Variants in CDH12 observed in about 807,000 individuals in gnomAD.
CDH12 encodes the protein cadherin-12.
A neutral mutation model predicts 74.1 loss-of-function variants in CDH12; 41 were observed. That is an observed-to-expected ratio of 0.55 (90% CI 0.43 to 0.72). The LOEUF (loss-of-function observed/expected upper bound fraction) is 0.72. Ranked by LOEUF, CDH12 falls within the 30% of genes least tolerant of loss-of-function variation. The pLI is 0.00. For synonymous variants in CDH12, 399 were observed against 355.0 expected (o/e 1.12, Z -1.39); for missense variants, 945 against 977.2 (o/e 0.97, Z 0.44).
chr5:22,039,425 A>C (rs534992107), intron 5 of CDH12, among the ~76,000 whole-genome samples: 1 of 152,214 alleles, frequency 6.6e-6, no homozygotes, highest in Admixed American at 6.5e-5. Flanking sequence ...AACTTGCACC[A>C]CAAGACCCAG....
At chr5:21,779,389 TG>T (rs1158870563) in intron 11 of CDH12, 1 of 152,120 alleles carries the variant, frequency 6.6e-6, no homozygotes, top group African/African-American at 2.4e-5. Flanking sequence ...TAATGACATT[TG>T]TTAAAGTAAC....
intron 3 of CDH12, among the ~76,000 whole-genome samples, chr5:22,286,599 A>G (rs961682373): frequency 6.6e-6 from 1 of 152,180 alleles, no homozygotes; most frequent in Non-Finnish European, 1.5e-5. Context: ...GATGAATATC[A>G]CAGAAATCCT....
chr5:22,041,176 A>T (rs531115670), intron 5 of CDH12, among the ~76,000 whole-genome samples: 3 of 152,224 alleles, frequency 2.0e-5, no homozygotes, highest in African/African-American at 7.2e-5. Flanking sequence ...ACAAAACACA[A>T]ATATATAGCA....
At chr5:22,501,321 A>C (rs1747323262) in intron 2 of CDH12, among the ~76,000 whole-genome samples, 1 of 152,168 alleles carries the variant, frequency 6.6e-6, no homozygotes, top group Non-Finnish European at 1.5e-5. Context: ...CATAAAGGAT[A>C]ATTCATGGAA....
chr5:22,287,326 T>A (rs1459187727), intron 3 of CDH12, among the ~76,000 whole-genome samples: 2 of 152,168 alleles, frequency 1.3e-5, no homozygotes, highest in African/African-American at 4.8e-5. Context: ...ACTATATTTG[T>A]TAAGGTAGCT....
intron 5 of CDH12, among the ~76,000 whole-genome samples, chr5:22,059,882 G>A (rs1741064380): frequency 6.6e-6 from 1 of 152,050 alleles, no homozygotes; most frequent in East Asian, 1.9e-4. Flanking sequence ...CAATTTTAGA[G>A]AGGTTTATGC....
intron 4 of CDH12, among the ~76,000 whole-genome samples, chr5:22,166,007 T>C (rs1254146051): frequency 6.6e-6 from 1 of 152,198 alleles, no homozygotes; most frequent in Non-Finnish European, 1.5e-5. Flanking sequence ...GCTCTACTTA[T>C]GGAGAAGCCA....
chr5:22,707,577 G>A (rs1476315322), intron 1 of CDH12, among the ~76,000 whole-genome samples: 1 of 152,062 alleles, frequency 6.6e-6, no homozygotes, highest in Non-Finnish European at 1.5e-5. Context: ...AACAACAAAA[G>A]CATCACATTG....
chr5:22,465,604 C>A (rs953643424), intron 2 of CDH12, among the ~76,000 whole-genome samples: 1 of 152,288 alleles, frequency 6.6e-6, no homozygotes, highest in African/African-American at 2.4e-5. Context: ...CACGATCATG[C>A]CACCACACTC....
chr5:22,349,880 G>A (rs75570217), intron 3 of CDH12, among the ~76,000 whole-genome samples: 3,340 of 152,170 alleles, frequency 0.022, 85 homozygotes, highest in East Asian at 0.11. Context: ...GACTACAGGC[G>A]CAGCTAATCT....
intron 5 of CDH12, among the ~76,000 whole-genome samples, chr5:22,008,052 T>A (rs2150149982): frequency 6.6e-6 from 1 of 152,248 alleles, no homozygotes; most frequent in African/African-American, 2.4e-5. Flanking sequence ...GCAAGCCCCA[T>A]GAAGGTGGTA....
chr5:22,075,712 T>C (rs1453971494), intron 5 of CDH12, among the ~76,000 whole-genome samples: 2 of 152,052 alleles, frequency 1.3e-5, no homozygotes, highest in East Asian at 3.9e-4. Context: ...AGTTAAGTTT[T>C]GGGGGAGTCA....
chr5:22,131,833 A>G (rs907848925), intron 4 of CDH12, among the ~76,000 whole-genome samples: 12 of 152,100 alleles, frequency 7.9e-5, no homozygotes, highest in Non-Finnish European at 1.6e-4. Context: ...AATCTGGCCC[A>G]AGGTAAAGAA....
intron 3 of CDH12, among the ~76,000 whole-genome samples, chr5:22,392,048 T>G (rs1002142330): frequency 3.3e-5 from 5 of 152,190 alleles, no homozygotes; most frequent in African/African-American, 1.2e-4. Context: ...TTACTTCTCC[T>G]GTTTTCATAT....
chr5:22,525,933 T>A lies in CDH12; in HGVS notation c.-522-20569A>T, dbSNP rs79026884. Among the ~76,000 whole-genome samples, 685 of 152,274 alleles carry A rather than the reference T, an allele frequency of 4.5e-3. 4 individuals are homozygous for A. Among genetic ancestry groups the A allele is most frequent in the African/African-American group, 0.016 (645 of 41,556 alleles). ...CCTAAATGAGAAGAAAGTATATTAG[T>A]AGACAGAAACTTACAGTATTTATCT... is the stretch of plus-strand genomic sequence containing the variant. On this transcript the variant is annotated intron_variant, in intron 1 of 14. Coordinates refer to ENST00000382254, the MANE Select transcript of CDH12 (RefSeq NM_004061.5).
chr5:22,812,620 A>T (rs1279791890), intron 1 of CDH12, among the ~76,000 whole-genome samples: 1 of 152,184 alleles, frequency 6.6e-6, no homozygotes, highest in East Asian at 1.9e-4. Context: ...ATATTCTCCA[A>T]CTAAAACCTC....
intron 7 of CDH12, among the ~76,000 whole-genome samples, chr5:21,846,845 G>C (rs1187845131): frequency 1.3e-5 from 2 of 152,222 alleles, no homozygotes; most frequent in Non-Finnish European, 1.5e-5. Flanking sequence ...TGTCATAAAA[G>C]AAGAAAATGG....
intron 3 of CDH12, among the ~76,000 whole-genome samples, chr5:22,309,319 T>C (rs1738279179): frequency 6.6e-6 from 1 of 152,136 alleles, no homozygotes; most frequent in Non-Finnish European, 1.5e-5. Context: ...AAAGAAAGTG[T>C]ACGTGTTTAA....
Position 21,994,106 on chromosome 5 carries a change from T to G in CDH12, c.232-18721A>C, listed in dbSNP as rs531173134. Among the ~76,000 whole-genome samples the G allele has an allele frequency of 9.2e-5, 14 of 151,684 alleles. No homozygotes were observed. In the South Asian group the frequency reaches 2.3e-3, roughly 25 times the overall value. On this transcript the variant is annotated intron_variant, in intron 5 of 14. Coordinates refer to ENST00000382254, the MANE Select transcript of CDH12 (RefSeq NM_004061.5). ...TGAATACAGTGATATTGGTAATTACTGTATTTTGTCCCTTACCCACAGGCT... is the reference window on the plus strand; with the variant it reads ...TGAATACAGTGATATTGGTAATTACGGTATTTTGTCCCTTACCCACAGGCT...
Sources: allele counts gnomAD v4.1 joint callset (sites outside exome capture counted in the v4.1 genomes callset), GRCh38; gene constraint gnomAD v4.1.1; transcripts MANE v1.5; gene names NCBI Gene and HGNC (gene_info 2026-07-23, HGNC 2026-07-21).